The following MSRA variants were observed in gnomAD, a reference collection of about 807,000 sequenced individuals.
MSRA encodes the protein methionine sulfoxide reductase A.
MSRA carries 54 observed loss-of-function variants against 31.3 expected under a neutral mutation model. The ratio of observed to expected loss-of-function variants is 1.73; its 90% CI spans 1.39 to 2.17. The LOEUF (loss-of-function observed/expected upper bound fraction) is 2.17, where lower values mean the gene tolerates loss of function less well. MSRA is among the 30% of genes most tolerant of loss of function. MSRA has a pLI of 0.00. For missense variants in MSRA, 507 were observed against 300.9 expected (o/e 1.69, Z -5.07); for synonymous variants, 169 against 116.5 (o/e 1.45, Z -2.90).
intron 3 of MSRA, among the ~76,000 whole-genome samples, chr8:10,263,807 C>T (rs936839084): frequency 7.9e-5 from 12 of 152,132 alleles, no homozygotes; most frequent in African/African-American, 2.2e-4. Context: ...AGTGTGATTT[C>T]GTTATTGTAT....
At chr8:10,099,930 A>C (rs1050768795) in intron 1 of MSRA, among the ~76,000 whole-genome samples, 11 of 152,196 alleles carry the variant, frequency 7.2e-5, no homozygotes, top group Admixed American at 2.0e-4. Context: ...AGCATGCAGC[A>C]GGCCAGTGGA....
At chr8:10,185,183 T>C (rs965244960) in intron 1 of MSRA, among the ~76,000 whole-genome samples, 18 of 152,024 alleles carry the variant, frequency 1.2e-4, no homozygotes, top group Non-Finnish European at 1.2e-4. Context: ...CGAATCCCCC[T>C]GTGGACAATT....
At chr8:10,290,480 T>G (rs780625820) in intron 3 of MSRA, among the ~76,000 whole-genome samples, 2 of 152,208 alleles carry the variant, frequency 1.3e-5, no homozygotes, top group South Asian at 4.1e-4. Context: ...CTTTGTGGTT[T>G]AGCCACATAC....
At chr8:10,347,967 T>G (rs907906058) in intron 5 of MSRA, among the ~76,000 whole-genome samples, 1 of 152,230 alleles carries the variant, frequency 6.6e-6, no homozygotes, top group Non-Finnish European at 1.5e-5. Flanking sequence ...CTAAGCTCAT[T>G]GAAACATCCA....
intron 5 of MSRA, among the ~76,000 whole-genome samples, chr8:10,345,627 A>G (rs151186486): frequency 6.6e-6 from 1 of 152,354 alleles, no homozygotes; most frequent in Non-Finnish European, 1.5e-5. Flanking sequence ...AAGAATTCTA[A>G]TGTATTTTCC....
At chr8:10,201,465 T>C (rs1157788194) in intron 1 of MSRA, among the ~76,000 whole-genome samples, 1 of 152,062 alleles carries the variant, frequency 6.6e-6, no homozygotes, top group African/African-American at 2.4e-5. Context: ...TGTCCCCTGG[T>C]CACCCAGTCC....
At chr8:10,334,784 C>G (rs1248924912) in intron 5 of MSRA, among the ~76,000 whole-genome samples, 1 of 152,218 alleles carries the variant, frequency 6.6e-6, no homozygotes, top group Non-Finnish European at 1.5e-5. Flanking sequence ...AATAGATGGT[C>G]CCGCTTTGCA....
intron 3 of MSRA, among the ~76,000 whole-genome samples, chr8:10,277,527 T>C (rs1799387609): frequency 6.6e-6 from 1 of 152,240 alleles, no homozygotes; most frequent in Non-Finnish European, 1.5e-5. Flanking sequence ...TTACAAAGTG[T>C]GTTTCACTGG....
intron 5 of MSRA, among the ~76,000 whole-genome samples, chr8:10,383,374 C>T (rs914944453): frequency 9.2e-5 from 14 of 152,096 alleles, no homozygotes; most frequent in Non-Finnish European, 1.9e-4. Flanking sequence ...AGTTTCAAAG[C>T]GTGTGTGTTG....
chr8:10,271,123 T>G (rs571915189), intron 3 of MSRA, among the ~76,000 whole-genome samples: 1 of 152,234 alleles, frequency 6.6e-6, no homozygotes, highest in East Asian at 1.9e-4. Flanking sequence ...ATGAATAATT[T>G]TTAAGACTCA....
intron 5 of MSRA, among the ~76,000 whole-genome samples, chr8:10,378,360 C>G (rs943129195): frequency 1.3e-5 from 2 of 152,168 alleles, no homozygotes; most frequent in African/African-American, 4.8e-5. Flanking sequence ...CAAGGAACAT[C>G]TTTAGGGAGC....
intron 2 of MSRA, among the ~76,000 whole-genome samples, chr8:10,233,153 A>G (rs1811635344): frequency 6.6e-6 from 1 of 152,204 alleles, no homozygotes; most frequent in East Asian, 1.9e-4. Context: ...TTTATGCTTT[A>G]GTCCAGGCCC....
At chr8:10,142,422 T>A in intron 1 of MSRA, among the ~76,000 whole-genome samples, 1 of 152,218 alleles carries the variant, frequency 6.6e-6, no homozygotes, top group Non-Finnish European at 1.5e-5. Context: ...GGCTTCTGCT[T>A]CTAAATCCGT....
At chr8:10,347,395 C>T (rs1803848496) in intron 5 of MSRA, among the ~76,000 whole-genome samples, 1 of 152,196 alleles carries the variant, frequency 6.6e-6, no homozygotes, top group Non-Finnish European at 1.5e-5. Flanking sequence ...TTTGATCTTT[C>T]TCCCAAGCCA....
chr8:10,162,038 C>T (rs1017053198), intron 1 of MSRA, among the ~76,000 whole-genome samples: 1 of 152,148 alleles, frequency 6.6e-6, no homozygotes, highest in African/African-American at 2.4e-5. Flanking sequence ...CCCTCATGTC[C>T]TAGATTCTGT....
chr8:10,377,842 G>T (rs376741897), intron 5 of MSRA, among the ~76,000 whole-genome samples: 2 of 152,172 alleles, frequency 1.3e-5, no homozygotes, highest in Admixed American at 6.5e-5. Flanking sequence ...CAGGGCAGCC[G>T]GCTGGGATCC....
intron 4 of MSRA, among the ~76,000 whole-genome samples, chr8:10,306,771 T>A (rs1005475980): frequency 4.6e-5 from 7 of 152,012 alleles, no homozygotes; most frequent in African/African-American, 1.7e-4. Flanking sequence ...ACAGACTGAG[T>A]GCCTCGAGCC....
chr8:10,413,203 G>A lies in MSRA; in HGVS notation c.544-14945G>A, dbSNP rs75221949. On this transcript the variant is annotated intron_variant, in intron 5 of 5. Coordinates refer to ENST00000317173, the MANE Select transcript of MSRA (RefSeq NM_012331.5). ...AGAAGAGAAGGCCGAGTGGAGAACC[G>A]TGGGGTCCCTGAAGCTTCCTGTGCT... 5.3e-5 allele frequency among the ~76,000 whole-genome samples: 8 copies of A among 152,302 alleles called. No individual in the cohort carries two copies. The East Asian group carries it at 9.7e-4, about 18-fold the overall frequency.
rs553292308 is a variant in MSRA at position 10,359,557 on chromosome 8, C to G, written c.543+39568C>G. ...TTCCTCTCCTTCTCCACCTCCTCCTCTTCCTCCTTCTCCTCCTCTTCGTTT... is the reference window on the plus strand; with the variant it reads ...TTCCTCTCCTTCTCCACCTCCTCCTGTTCCTCCTTCTCCTCCTCTTCGTTT... On this transcript the variant is annotated intron_variant, in intron 5 of 5. Transcript: ENST00000317173. Among the ~76,000 whole-genome samples, 6 of 152,334 alleles carry G rather than the reference C, an allele frequency of 3.9e-5. No homozygotes were observed. In the East Asian group the frequency reaches 1.2e-3, roughly 29 times the overall value.
Sources: allele counts gnomAD v4.1 joint callset (sites outside exome capture counted in the v4.1 genomes callset), GRCh38; gene constraint gnomAD v4.1.1; transcripts MANE v1.5; gene names NCBI Gene and HGNC (gene_info 2026-07-23, HGNC 2026-07-21).